The following CEP120 variants were observed in gnomAD, a reference collection of about 807,000 sequenced individuals.
CEP120 encodes the protein centrosomal protein 120, also known as centrosomal protein of 120 kDa.
CEP120 carries 113 observed loss-of-function variants against 126.5 expected under a neutral mutation model. That is an observed-to-expected ratio of 0.89 (90% CI 0.77 to 1.04). The LOEUF is 1.04. Among genes scored for constraint, CEP120 ranks in the 50% least tolerant of loss-of-function variants. The pLI is 0.00. For synonymous variants in CEP120, 400 were observed against 394.3 expected (o/e 1.01, Z -0.17); for missense variants, 1,230 against 1,155.7 (o/e 1.06, Z -0.93).
chr5:123,416,305 G>A (rs1774389008), intron 2 of CEP120, among the ~76,000 whole-genome samples, 181 bp from the exon 3 acceptor site: 1 of 152,184 alleles, frequency 6.6e-6, no homozygotes, highest in Admixed American at 6.5e-5. Flanking sequence ...GCTCACGCCT[G>A]TAATCCCAGC....
At chr5:123,356,804 T>G (rs1769669161) in intron 18 of CEP120, among the ~76,000 whole-genome samples, 1 of 152,200 alleles carries the variant, frequency 6.6e-6, no homozygotes, top group Non-Finnish European at 1.5e-5. Context: ...TTTAATTCTA[T>G]GTATATTTTA....
chr5:123,406,915 T>C (rs1436453648), intron 4 of CEP120, among the ~76,000 whole-genome samples: 1 of 151,692 alleles, frequency 6.6e-6, no homozygotes, highest in African/African-American at 2.4e-5. Flanking sequence ...TGCTGAGGTA[T>C]AACTGAAATG....
Position 123,412,485 on chromosome 5 carries a change from A to G in CEP120, c.377T>C (p.Ile126Thr). 1 of 1,611,724 alleles carries G rather than the reference A, an allele frequency of 6.2e-7. No individual in the cohort carries two copies. Among genetic ancestry groups the G allele is most frequent in the Non-Finnish European group, 8.5e-7 (1 of 1,178,878 alleles). Reference protein sequence around the residue: ...SNKYTKFKSEIQISIALETDT... With the variant: ...SNKYTKFKSETQISIALETDT... ...GGTTTCCAAAGCAATACTTATCTGT[A>G]TCTCAGACTTGAATTTGGTGTATTT... The change falls in exon 4 of 20, where the codon ATA becomes ACA. Residue 126 changes from isoleucine (I) to threonine (T), a missense_variant. Physicochemically the swap from Ile to Thr is moderately conservative, Grantham distance 89. Transcript: ENST00000306467.
chr5:123,401,229 C>G, intron 4 of CEP120: 2 of 1,612,662 alleles, frequency 1.2e-6, no homozygotes, highest in South Asian at 2.2e-5. Flanking sequence ...CTGGTACTCA[C>G]GCAGCTGCCA....
At chr5:123,416,527 C>T (rs752652392) in intron 2 of CEP120, among the ~76,000 whole-genome samples, 6 of 151,802 alleles carry the variant, frequency 4.0e-5, no homozygotes, top group Admixed American at 1.3e-4. Flanking sequence ...GCCGAGATCG[C>T]GCCACTACAC....
At chr5:123,423,606 TGC>T (rs1320749894), upstream of CEP120, 198 of 153,364 alleles carry the variant, frequency 1.3e-3, 2 homozygotes, top group Admixed American at 2.3e-3. Flanking sequence ...TTCCTGAAGC[TGC>T]GTAGCCTTTA....
At chr5:123,415,459 G>A (rs1265380210) in intron 3 of CEP120, among the ~76,000 whole-genome samples, 2 of 152,236 alleles carry the variant, frequency 1.3e-5, no homozygotes, top group African/African-American at 2.4e-5. Context: ...TAAGCTTCCG[G>A]TAATAGCAAC....
intron 1 of CEP120, chr5:123,422,516 T>G: frequency 2.0e-6 from 3 of 1,535,392 alleles, no homozygotes; most frequent in Non-Finnish European, 2.6e-6. Flanking sequence ...GTCCCCTGAG[T>G]CCTCCAGCAA....
chr5:123,357,156 C>T (rs1769694650), intron 18 of CEP120, among the ~76,000 whole-genome samples: 1 of 152,114 alleles, frequency 6.6e-6, no homozygotes, highest in East Asian at 1.9e-4. Context: ...TCAGTCTTAT[C>T]ATTGCTCCTT....
chr5:123,420,321 C>A (rs1433199306), intron 1 of CEP120, among the ~76,000 whole-genome samples: 1 of 152,118 alleles, frequency 6.6e-6, no homozygotes, highest in Non-Finnish European at 1.5e-5. Context: ...TTGCTGCAGA[C>A]AATGATACAG....
At chr5:123,390,172 G>C in intron 7 of CEP120, 32 bp from the exon 8 acceptor site, 1 of 1,461,524 alleles carries the variant, frequency 6.8e-7, no homozygotes, top group Non-Finnish European at 9.4e-7. Context: ...AGTATAATTT[G>C]CAAAGAACTT....
intron 4 of CEP120, among the ~76,000 whole-genome samples, chr5:123,408,411 T>A (rs554157949): frequency 7.3e-4 from 111 of 151,636 alleles, no homozygotes; most frequent in Admixed American, 2.0e-3. Flanking sequence ...GGATACAAAT[T>A]ACCCATACCA....
At chr5:123,378,056 A>C (rs1459438671) in intron 15 of CEP120, among the ~76,000 whole-genome samples, 1 of 152,132 alleles carries the variant, frequency 6.6e-6, no homozygotes, top group Non-Finnish European at 1.5e-5. Context: ...CAAAGTAATA[A>C]ACAGTATGAA....
intron 1 of CEP120, among the ~76,000 whole-genome samples, chr5:123,420,637 A>T (rs1774654746): frequency 6.6e-6 from 1 of 152,178 alleles, no homozygotes; most frequent in African/African-American, 2.4e-5. Flanking sequence ...AGAAAATCAG[A>T]TTTGCATTTC....
chr5:123,346,438 T>A lies in CEP120; in HGVS notation c.*81A>T. 1 of 1,026,720 alleles carries A rather than the reference T, an allele frequency of 9.7e-7. No homozygotes were observed. The highest frequency in any genetic ancestry group is 1.4e-6 in the Non-Finnish European group (1 of 706,274). 63.6% of individuals were successfully genotyped at this position (1,026,720 alleles called of 1,614,324 possible). ...AAATTGAAAATACCATTTTAAAACA[T>A]CCATTTTCCTCACTTTTGAGGTTTT... On this transcript the variant is annotated 3_prime_UTR_variant, in exon 20 of 20. Transcript: ENST00000306467.
intron 1 of CEP120, among the ~76,000 whole-genome samples, chr5:123,419,792 G>A (rs568212988): frequency 2.8e-4 from 43 of 152,028 alleles, no homozygotes; most frequent in Non-Finnish European, 3.8e-4. Flanking sequence ...CAGAGTACTT[G>A]CTCTAAAAAA....
intron 5 of CEP120, among the ~76,000 whole-genome samples, chr5:123,395,595 A>G (rs1562063624): frequency 6.6e-6 from 1 of 152,024 alleles, no homozygotes; most frequent in East Asian, 1.9e-4. Flanking sequence ...GGAACCACAC[A>G]ATATGTGGCC....
chr5:123,407,114 A>C (rs902685120), intron 4 of CEP120, among the ~76,000 whole-genome samples: 4 of 151,168 alleles, frequency 2.6e-5, no homozygotes, highest in South Asian at 4.1e-4. Flanking sequence ...GTAAAAAAAA[A>C]AAAAACAAAA....
Position 123,380,500 on chromosome 5 carries a change from G to A in CEP120, c.2103+1611C>T, listed in dbSNP as rs922953664. On this transcript the variant is annotated intron_variant, in intron 14 of 19. Transcript: ENST00000306467. The stretch of plus-strand genomic sequence containing the variant: ...CATTTCAGGCTGAAAGGGTAGAAGT[G>A]TATAAATGGAAACCAATTACAAATT... Among the ~76,000 whole-genome samples the A allele has an allele frequency of 5.3e-5, 8 of 152,186 alleles. No homozygotes were observed. In the East Asian group the frequency reaches 9.7e-4, roughly 18 times the overall value.
Sources: gnomAD v4.1 joint callset for allele counts (sites outside exome capture counted in the v4.1 genomes callset) on GRCh38, gnomAD v4.1.1 for gene constraint, MANE v1.5 for transcripts, NCBI Gene and HGNC (gene_info 2026-07-23, HGNC 2026-07-21) for gene names.